Variants in RAD23B observed in about 807,000 individuals in gnomAD.
RAD23B encodes the protein lysine-specific demethylase RAD23B.
Under a neutral mutation model 49.1 loss-of-function variants are expected in RAD23B, and 5 were observed. The ratio of observed to expected loss-of-function variants is 0.10; its 90% CI spans 0.05 to 0.21. The LOEUF (loss-of-function observed/expected upper bound fraction) is 0.21. RAD23B is among the 10% of genes least tolerant of loss of function. The pLI, the probability that RAD23B is intolerant of heterozygous loss-of-function variation, is 1.00. For missense variants in RAD23B, 356 were observed against 486.7 expected (o/e 0.73, Z 2.53); for synonymous variants, 184 against 165.4 (o/e 1.11, Z -0.86).
chr9:107,331,903 T>G lies in RAD23B; in HGVS notation c.*2247T>G, dbSNP rs966241553. On this transcript the variant is annotated 3_prime_UTR_variant, in exon 10 of 10. Coordinates refer to ENST00000358015, the MANE Select transcript of RAD23B (RefSeq NM_002874.5). ...ATAGGCTTTTTGTGCCTTTTGCTGT[T>G]AATGTTTAATTTACAAACTGTTTTG... is the stretch of plus-strand genomic sequence containing the variant. 2.1e-6 allele frequency: 1 copy of G among 485,548 alleles called. No individual in the cohort carries two copies. The highest frequency in any genetic ancestry group is 1.9e-5 in the African/African-American group (1 of 51,406). 30.1% of individuals were successfully genotyped at this position (485,548 alleles called of 1,614,324 possible). A position where few individuals can be genotyped will look rare whatever the true frequency, so the allele number is the denominator to read the frequency against.
At chr9:107,291,769 A>G (rs1352396186) in intron 1 of RAD23B, among the ~76,000 whole-genome samples, 1 of 152,246 alleles carries the variant, frequency 6.6e-6, no homozygotes, top group African/African-American at 2.4e-5. Context: ...TAGTGTAAAC[A>G]TAAGAAATCC....
chr9:107,331,618 T>C lies in RAD23B; in HGVS notation c.*1962T>C, dbSNP rs1364212930. The C allele has an allele frequency of 5.3e-6, 4 of 751,774 alleles. No homozygotes were observed. In the African/African-American group the frequency reaches 7.0e-5, roughly 13 times the overall value. 46.6% of individuals were successfully genotyped at this position (751,774 alleles called of 1,614,324 possible). Reference sequence around the variant, plus strand: ...TTGGGAAAAGAGGTGGCATTTCTGATCGGATAATGGAATACTCTCATTTAT... The same window carrying C: ...TTGGGAAAAGAGGTGGCATTTCTGACCGGATAATGGAATACTCTCATTTAT... On this transcript the variant is annotated 3_prime_UTR_variant, in exon 10 of 10. Transcript: ENST00000358015.
In RAD23B at chr9:107,331,401, G is replaced by A; in HGVS notation, c.*1745G>A. 2 of 338,300 alleles carry A rather than the reference G, an allele frequency of 5.9e-6. No individual in the cohort carries two copies. The highest frequency in any genetic ancestry group is 5.4e-6 in the Non-Finnish European group (1 of 186,886). The allele number at this position is 338,300 out of a possible 1,614,324, so 21.0% of individuals were successfully genotyped here. A position where few individuals can be genotyped will look rare whatever the true frequency, so the allele number is the denominator to read the frequency against. ...GCCTGTGGTCCCAGCTACTTGGGAG[G>A]CTGAGGCATGAGAATTGCTTGAACC... is the stretch of plus-strand genomic sequence containing the variant. On this transcript the variant is annotated 3_prime_UTR_variant, in exon 10 of 10. Transcript: ENST00000358015.
chr9:107,303,712 G>C (rs1158670546), intron 3 of RAD23B, among the ~76,000 whole-genome samples: 1 of 152,160 alleles, frequency 6.6e-6, no homozygotes, highest in Non-Finnish European at 1.5e-5. Context: ...GCTTGTGCCA[G>C]AATTTGCTGA....
At chr9:107,289,096 C>A (rs1201900940) in intron 1 of RAD23B, among the ~76,000 whole-genome samples, 4 of 73,614 alleles carry the variant, frequency 5.4e-5, no homozygotes, top group Non-Finnish European at 1.1e-4. Flanking sequence ...CCTTTCCTCC[C>A]TTCTTCCCTC....
At chr9:107,286,502 T>C (rs553323802) in intron 1 of RAD23B, among the ~76,000 whole-genome samples, 1 of 152,184 alleles carries the variant, frequency 6.6e-6, no homozygotes, top group Admixed American at 6.5e-5. Context: ...ATTACTGTGA[T>C]ACATTACATG....
In RAD23B at chr9:107,283,653, C is replaced by G. The variant is rs1194607599; in HGVS notation, c.24C>G (p.Leu8=). 2.7e-6 allele frequency: 4 copies of G among 1,486,362 alleles called. No individual in the cohort carries two copies. In the African/African-American group the frequency reaches 4.4e-5, roughly 16 times the overall value. The allele number at this position is 1,486,362 out of a possible 1,614,324, so 92.1% of individuals were successfully genotyped here. Residue 8 remains leucine (L), a synonymous_variant, in exon 1 of 10, where the codon CTC becomes CTG. Coordinates refer to ENST00000358015, the MANE Select transcript of RAD23B (RefSeq NM_002874.5). ...CCATGCAGGTCACCCTGAAGACCCT[C>G]CAGCAGCAGACCTTCAAGATAGACA... MQVTLKT[L]QQQTFKIDID...
chr9:107,313,563 A>C (rs1028869167), intron 5 of RAD23B, among the ~76,000 whole-genome samples: 1 of 152,144 alleles, frequency 6.6e-6, no homozygotes, highest in Non-Finnish European at 1.5e-5. Flanking sequence ...TAAATGTATG[A>C]GTTTTCTATG....
rs1827033730 is a variant in RAD23B, at chr9:107,318,232, A to C, written c.554-520A>C. 6.6e-6 allele frequency among the ~76,000 whole-genome samples: 1 copy of C among 152,204 alleles called. No individual in the cohort carries two copies. The highest frequency in any genetic ancestry group is 1.5e-5 in the Non-Finnish European group (1 of 68,036). On this transcript the variant is annotated intron_variant, in intron 5 of 9. Transcript: ENST00000358015. This position sits in a 1 kb window ranked among gnomAD's most constrained non-coding sequence, Gnocchi z 4.3. ...GTGACACAGGGCTCACTGTACTAAAATCAGGGAGCCGGCATTCCTTTTTGG... is the reference window on the plus strand; with the variant it reads ...GTGACACAGGGCTCACTGTACTAAACTCAGGGAGCCGGCATTCCTTTTTGG...
At chr9:107,325,055 C>T in intron 9 of RAD23B, 51 bp downstream of exon 9, 1 of 1,541,514 alleles carries the variant, frequency 6.5e-7, no homozygotes, top group South Asian at 1.2e-5. Context: ...GGGCTCATGC[C>T]TGTAATTCCA....
At chr9:107,311,299 C>T (rs10816490) in intron 4 of RAD23B, among the ~76,000 whole-genome samples, 24,877 of 152,098 alleles carry the variant, frequency 0.16, 2,410 homozygotes, top group Admixed American at 0.23. Flanking sequence ...ATTTTGTATA[C>T]TGCTTTTGAT....
At chr9:107,306,818 G>T (rs1030184040) in intron 4 of RAD23B, among the ~76,000 whole-genome samples, 171 bp downstream of exon 4, 10 of 152,002 alleles carry the variant, frequency 6.6e-5, no homozygotes, top group Non-Finnish European at 1.3e-4. Context: ...TTACTAAGGA[G>T]AATATAAGTA....
rs1391588245 is a variant in RAD23B at position 107,323,990 on chromosome 9, A to G, written c.918A>G (p.Ile306Met). The change falls in exon 8 of 10, where the codon ATA becomes ATG. Residue 306 changes from isoleucine (I) to methionine (M), a missense_variant. Around this residue, in one of 5 missense-constraint regions of RAD23B, gnomAD observed 148 missense variants for 231.7 expected, o/e 0.64. Coordinates refer to ENST00000358015, the MANE Select transcript of RAD23B (RefSeq NM_002874.5). ...PSLLPALLQQ[I>M]GRENPQLLQQ... The stretch of plus-strand genomic sequence containing the variant: ...TGCTTCCAGCGTTACTACAGCAGAT[A>G]GGTCGAGAGAATCCTCAATTACTTC... The G allele has an allele frequency of 6.2e-7, 1 of 1,613,326 alleles. No homozygotes were observed. The highest frequency in any genetic ancestry group is 8.5e-7 in the Non-Finnish European group (1 of 1,179,378).
At chr9:107,305,173 G>A (rs1042232264) in intron 3 of RAD23B, among the ~76,000 whole-genome samples, 20 of 152,138 alleles carry the variant, frequency 1.3e-4, no homozygotes, top group Middle Eastern at 3.4e-3. Flanking sequence ...GTGTGAGCCC[G>A]TAGTCCCAGC....
intron 4 of RAD23B, among the ~76,000 whole-genome samples, chr9:107,309,417 C>T (rs72738207): frequency 0.059 from 8,996 of 152,198 alleles, 383 homozygotes; most frequent in South Asian, 0.12. Flanking sequence ...AGGCAATAAC[C>T]ATAAACCAGA....
In RAD23B at chr9:107,306,532, C is replaced by T. The variant is rs777629375; in HGVS notation, c.382C>T (p.Pro128Ser). The change falls in exon 4 of 10, where the codon CCA (proline) becomes TCA (serine). Residue 128 changes from proline (P) to serine (S), a missense_variant. Pro to Ser is a moderately conservative substitution (Grantham distance 74). Around this residue, in one of 5 missense-constraint regions of RAD23B, gnomAD observed 137 missense variants for 122.0 expected, o/e 1.12. Coordinates refer to ENST00000358015, the MANE Select transcript of RAD23B (RefSeq NM_002874.5). ...APTSTPASIT[P>S]ASATASSEPA... ...CACTTCCACACCTGCATCCATCACT[C>T]CAGCATCAGCGACAGCATCTTCTGA... 3.7e-6 allele frequency: 6 copies of T among 1,614,118 alleles called. No individual in the cohort carries two copies. The highest frequency in any genetic ancestry group is 1.1e-5 in the South Asian group (1 of 91,084).
At chr9:107,324,088 C>T in intron 8 of RAD23B, 71 bp downstream of exon 8, 1 of 1,476,162 alleles carries the variant, frequency 6.8e-7, no homozygotes, top group Non-Finnish European at 9.4e-7. Context: ...ATGAACGGTC[C>T]TTCCCCTCCT....
intron 9 of RAD23B, among the ~76,000 whole-genome samples, chr9:107,329,278 A>G (rs56397701): frequency 3.3e-4 from 50 of 152,222 alleles, no homozygotes; most frequent in African/African-American, 1.1e-3. Context: ...CATAGTATCT[A>G]TTAAGCTTTA....
At chr9:107,285,898 T>C (rs1291834771) in intron 1 of RAD23B, among the ~76,000 whole-genome samples, 1 of 152,198 alleles carries the variant, frequency 6.6e-6, no homozygotes, top group Admixed American at 6.5e-5. Context: ...TCTATGTTTG[T>C]AGTGGGTTTT....
Sources: allele counts gnomAD v4.1 joint callset (sites outside exome capture counted in the v4.1 genomes callset), GRCh38; gene constraint gnomAD v4.1.1; regional missense constraint gnomAD v4.1.1; non-coding constraint Gnocchi (gnomAD v3.1); transcripts MANE v1.5; gene names NCBI Gene and HGNC (gene_info 2026-07-23, HGNC 2026-07-21).